ARHGAP6: variants seen among roughly 807,000 people sequenced by gnomAD.
The protein encoded by ARHGAP6 is Rho GTPase activating protein 6, also known as rho GTPase-activating protein 6.
ARHGAP6 carries 16 observed loss-of-function variants against 55.7 expected under a neutral mutation model. The observed-to-expected ratio is 0.29, with a 90% confidence interval of 0.19 to 0.44. The LOEUF (loss-of-function observed/expected upper bound fraction) is 0.44, where lower values mean the gene tolerates loss of function less well. Among genes scored for constraint, ARHGAP6 ranks in the 20% least tolerant of loss-of-function variants. The pLI, the probability that ARHGAP6 is intolerant of heterozygous loss-of-function variation, is 1.00. For synonymous variants in ARHGAP6, 382 were observed against 360.9 expected, an observed-to-expected ratio of 1.06 and a Z score of -0.66; for missense variants, 698 against 808.9, an observed-to-expected ratio of 0.86 and a Z score of 1.66.
At position 11,139,143 on chromosome X, in the gene ARHGAP6, G is replaced by A; in HGVS notation, c.2645C>T (p.Pro882Leu). ...GGGCTTCCCTGGGCCCGGGTATGGA[G>A]GCGGGGGCCGCTTGTCATCCCTCCC... ...GSGRDDKRPPPPYPGPGKPAA... is the reference protein window; with the variant it reads ...GSGRDDKRPPLPYPGPGKPAA... The change falls in exon 13 of 13, where the codon CCT (proline) becomes CTT (leucine). Residue 882 changes from proline (P) to leucine (L), a missense_variant. Pro to Leu is a moderately conservative substitution (Grantham distance 98). Coordinates refer to ENST00000337414, the MANE Select transcript of ARHGAP6 (RefSeq NM_013427.3). The A allele has an allele frequency of 8.3e-7, 1 of 1,205,759 alleles. No homozygotes were observed. Among genetic ancestry groups the A allele is most frequent in the African/African-American group, 1.7e-5 (1 of 57,935 alleles).
At chrX:11,508,985 G>A (rs753772686) in intron 1 of ARHGAP6, among the ~76,000 whole-genome samples, 1 of 110,932 alleles carries the variant, frequency 9.0e-6, no homozygotes, top group East Asian at 2.8e-4. Flanking sequence ...CACCAACATA[G>A]TGATAACCTT....
chrX:11,276,411 A>T (rs1359192853), intron 1 of ARHGAP6, among the ~76,000 whole-genome samples: 1 of 112,374 alleles, frequency 8.9e-6, no homozygotes, highest in East Asian at 2.8e-4. Context: ...AATTCTGTCT[A>T]TACAGAAAAT....
intron 1 of ARHGAP6, among the ~76,000 whole-genome samples, chrX:11,564,424 G>A (rs1190122462): frequency 5.4e-5 from 6 of 110,103 alleles, no homozygotes; most frequent in Non-Finnish European, 1.1e-4. Flanking sequence ...GGGCCCATAA[G>A]TGCTTAGGTA....
chrX:11,571,248 G>T (rs932191782), intron 1 of ARHGAP6, among the ~76,000 whole-genome samples: 2 of 111,723 alleles, frequency 1.8e-5, no homozygotes, highest in Non-Finnish European at 3.8e-5. Flanking sequence ...TTCTTTTGGG[G>T]TTAATGTCCA....
chrX:11,144,105 A>G lies in ARHGAP6; in HGVS notation c.2051T>C (p.Met684Thr). 8.3e-7 allele frequency: 1 copy of G among 1,211,371 alleles called. No individual in the cohort carries two copies. The highest frequency in any genetic ancestry group is 1.1e-6 in the Non-Finnish European group (1 of 895,160). ...PVLSERSLLA[M>T]QEDAAPGGSE... ...GCCCCCCGGGGCCGCGTCCTCTTGC[A>G]TAGCCAGCAGGGAGCGCTCAGACAG... The change falls in exon 11 of 13, where the codon ATG (methionine) becomes ACG (threonine). Residue 684 changes from methionine to threonine, a missense_variant. Coordinates refer to ENST00000337414, the MANE Select transcript of ARHGAP6 (RefSeq NM_013427.3).
chrX:11,629,788 C>T (rs1345960897), intron 1 of ARHGAP6, among the ~76,000 whole-genome samples: 1 of 111,354 alleles, frequency 9.0e-6, no homozygotes, highest in Non-Finnish European at 1.9e-5. Flanking sequence ...AACCTGACCT[C>T]ATGTTTCAAC....
intron 1 of ARHGAP6, among the ~76,000 whole-genome samples, chrX:11,381,325 A>G (rs2049260680): frequency 8.9e-6 from 1 of 112,451 alleles, no homozygotes; most frequent in Admixed American, 9.4e-5. Context: ...ATCTATCTCT[A>G]TGATCATGAA....
chrX:11,218,353 G>A (rs1362668055), intron 2 of ARHGAP6, among the ~76,000 whole-genome samples: 3 of 111,831 alleles, frequency 2.7e-5, no homozygotes, highest in African/African-American at 9.7e-5. Context: ...AGCATGGAAT[G>A]TTTTTCCATT....
At chrX:11,346,351 T>A (rs1307483461) in intron 1 of ARHGAP6, among the ~76,000 whole-genome samples, 1 of 111,589 alleles carries the variant, frequency 9.0e-6, no homozygotes, top group African/African-American at 3.3e-5. Flanking sequence ...TGTGACAAAA[T>A]CTGTATAGCC....
intron 1 of ARHGAP6, among the ~76,000 whole-genome samples, chrX:11,382,494 T>C (rs952900371): frequency 1.7e-4 from 19 of 111,922 alleles, no homozygotes; most frequent in Non-Finnish European, 1.3e-4. Context: ...CCCAATAAAA[T>C]AAGGCAAGAA....
At chrX:11,572,650 C>T (rs1408947228) in intron 1 of ARHGAP6, among the ~76,000 whole-genome samples, 5 of 111,634 alleles carry the variant, frequency 4.5e-5, no homozygotes, top group South Asian at 3.7e-4. Context: ...AATAAACATA[C>T]GTGTGCATGT....
intron 1 of ARHGAP6, among the ~76,000 whole-genome samples, chrX:11,634,925 A>T (rs1452173961): frequency 8.9e-6 from 1 of 111,936 alleles, no homozygotes; most frequent in Non-Finnish European, 1.9e-5. Flanking sequence ...TGGGGGTTTC[A>T]TCTGGAGGCT....
At chrX:11,583,652 A>T (rs1405807908) in intron 1 of ARHGAP6, among the ~76,000 whole-genome samples, 2 of 112,202 alleles carry the variant, frequency 1.8e-5, no homozygotes, top group African/African-American at 3.2e-5. Flanking sequence ...AAGCTAAGCA[A>T]ATAGAAAACT....
chrX:11,290,395 G>C (rs2047973940), intron 1 of ARHGAP6: 1 of 376,066 alleles, frequency 2.7e-6, no homozygotes, highest in African/African-American at 2.6e-5. Flanking sequence ...GATTTCTAAG[G>C]GTTGCGGTGG....
intron 1 of ARHGAP6, among the ~76,000 whole-genome samples, chrX:11,336,903 G>A (rs2048644685): frequency 9.0e-6 from 1 of 111,327 alleles, no homozygotes; most frequent in Non-Finnish European, 1.9e-5. Flanking sequence ...TCCTATATAC[G>A]TGTCCTAGGT....
intron 10 of ARHGAP6, among the ~76,000 whole-genome samples, chrX:11,149,869 AT>A (rs1329243555): frequency 1.8e-5 from 2 of 111,409 alleles, no homozygotes; most frequent in African/African-American, 6.5e-5. Context: ...CTGAAATTTT[AT>A]TTTTTTTCAG....
intron 1 of ARHGAP6, among the ~76,000 whole-genome samples, chrX:11,363,815 A>G (rs1261927941): frequency 8.9e-6 from 1 of 112,458 alleles, no homozygotes; most frequent in Non-Finnish European, 1.9e-5. Context: ...CATTTAAAAC[A>G]GAACTACCAT....
At chrX:11,573,353 C>A (rs375105258) in intron 1 of ARHGAP6, among the ~76,000 whole-genome samples, 22 of 109,575 alleles carry the variant, frequency 2.0e-4, no homozygotes, top group East Asian at 5.6e-4. Context: ...ATCTTGAATT[C>A]ATTTTTGTAT....
At chrX:11,583,420 T>C (rs2051687621) in intron 1 of ARHGAP6, among the ~76,000 whole-genome samples, 1 of 112,298 alleles carries the variant, frequency 8.9e-6, no homozygotes, top group Non-Finnish European at 1.9e-5. Flanking sequence ...CACTAGATAT[T>C]TTATCAGGAA....
Sources: gnomAD v4.1 joint callset for allele counts (sites outside exome capture counted in the v4.1 genomes callset) on GRCh38, gnomAD v4.1.1 for gene constraint, MANE v1.5 for transcripts, NCBI Gene and HGNC (gene_info 2026-07-23, HGNC 2026-07-21) for gene names.